The following C2orf78 variants were observed in gnomAD, a reference collection of about 807,000 sequenced individuals.
C2orf78 encodes chromosome 2 open reading frame 78, also known as uncharacterized protein C2orf78.
C2orf78 carries 12 observed loss-of-function variants against 21.4 expected under a neutral mutation model. The observed-to-expected ratio is 0.56, with a 90% CI of 0.36 to 0.91. The LOEUF is 0.91. C2orf78 is among the 40% of genes least tolerant of loss of function. The probability of loss-of-function intolerance (pLI) is 0.01; values close to 1 mark genes in which losing one functional copy is unlikely to be tolerated. For missense variants in C2orf78, 1,042 were observed against 1,092.4 expected (o/e 0.95, Z 0.65); for synonymous variants, 396 against 413.9 (o/e 0.96, Z 0.52).
chr2:73,810,178 T>C (rs1412802041), intron 1 of C2orf78, among the ~76,000 whole-genome samples: 8 of 152,156 alleles, frequency 5.3e-5, no homozygotes, highest in Non-Finnish European at 1.2e-4. Flanking sequence ...TTGTTTTTTT[T>C]CTGTTGCCTT....
intron 1 of C2orf78, among the ~76,000 whole-genome samples, chr2:73,813,116 G>A (rs1484209589): frequency 6.6e-6 from 1 of 152,108 alleles, no homozygotes; most frequent in African/African-American, 2.4e-5. Flanking sequence ...CTTCTCTAAG[G>A]ACCTCCTAGT....
At chr2:73,811,584 C>T (rs769414646) in intron 1 of C2orf78, among the ~76,000 whole-genome samples, 1 of 152,160 alleles carries the variant, frequency 6.6e-6, no homozygotes, top group Admixed American at 6.5e-5. Flanking sequence ...TGCTTTTAGA[C>T]CTAAGAATAA....
exon 2 of C2orf78, chr2:73,813,681 A>G (rs1159272728): frequency 3.1e-6 from 5 of 1,613,856 alleles, no homozygotes; most frequent in African/African-American, 1.3e-5. Context: ...CTTTACCAAC[A>G]TTCTAGCACA....
At chr2:73,809,165 A>G (rs1239323613) in intron 1 of C2orf78, among the ~76,000 whole-genome samples, 1 of 152,028 alleles carries the variant, frequency 6.6e-6, no homozygotes. Context: ...TTCTTTTCTA[A>G]TACTGAGTCT....
Position 73,816,255 on chromosome 2 carries a change from C to T in C2orf78, c.2032C>T (p.Gln678Ter), listed in dbSNP as rs758052172. ...AGCTCTCAAACCATGGCTGGATATC[C>T]AACATGAGGGTAAAGGCCCGGAGAA... Residue 678 changes from glutamine to a stop codon, truncating the protein, a stop_gained, in exon 3 of 3, where the codon CAA (glutamine) becomes TAA (stop). Coordinates refer to ENST00000409561, the Ensembl canonical transcript of C2orf78. LOFTEE classifies it low-confidence loss of function (END_TRUNC). The T allele has an allele frequency of 6.2e-7, 1 of 1,613,728 alleles. No homozygotes were observed. The highest frequency in any genetic ancestry group is 8.5e-7 in the Non-Finnish European group (1 of 1,179,864).
intron 1 of C2orf78, among the ~76,000 whole-genome samples, chr2:73,810,969 C>CATATATATATATATAT (rs35395110): frequency 4.4e-5 from 6 of 136,120 alleles, no homozygotes; most frequent in African/African-American, 1.6e-4. Flanking sequence ...ATGTATATTT[C>CATATATATATATATAT]ATATATATAT....
At chr2:73,816,931 A>G in exon 3 of C2orf78, 3 of 1,612,610 alleles carry the variant, frequency 1.9e-6, no homozygotes, top group Non-Finnish European at 2.5e-6. Flanking sequence ...GGGAAAGTGC[A>G]GTTTTTCATT....
chr2:73,815,222 C>T (rs773063774), exon 3 of C2orf78: 45 of 1,613,830 alleles, frequency 2.8e-5, no homozygotes, highest in Admixed American at 5.0e-5. Flanking sequence ...AGCTTGGGGA[C>T]ATTTCAATAA....
intron 1 of C2orf78, among the ~76,000 whole-genome samples, chr2:73,809,765 C>G (rs144141588): frequency 1.3e-5 from 2 of 152,216 alleles, no homozygotes; most frequent in East Asian, 3.9e-4. Context: ...GCCTGAGTGA[C>G]AAAGTGAGAC....
At chr2:73,786,146 GACGC>G (rs1189201399) in intron 1 of C2orf78, among the ~76,000 whole-genome samples, 3 of 152,118 alleles carry the variant, frequency 2.0e-5, no homozygotes, top group East Asian at 1.9e-4. Context: ...TTGCAAGGCT[GACGC>G]AGGCGGATTG....
intron 1 of C2orf78, among the ~76,000 whole-genome samples, chr2:73,810,668 T>G (rs1673065950): frequency 1.5e-5 from 2 of 133,032 alleles, no homozygotes; most frequent in African/African-American, 5.8e-5. Flanking sequence ...ATAATATATA[T>G]AATATAATAA....
At chr2:73,809,586 G>C (rs562568609) in intron 1 of C2orf78, among the ~76,000 whole-genome samples, 1 of 152,020 alleles carries the variant, frequency 6.6e-6, no homozygotes, top group African/African-American at 2.4e-5. Context: ...AGGAGTTCCC[G>C]GCCAGTCTGG....
intron 1 of C2orf78, among the ~76,000 whole-genome samples, chr2:73,809,795 T>C (rs1334829425): frequency 1.3e-5 from 2 of 151,968 alleles, no homozygotes; most frequent in South Asian, 2.1e-4. Flanking sequence ...AAGAAACAAA[T>C]AAACAAACAA....
exon 3 of C2orf78, chr2:73,816,823 T>A (rs762115755): frequency 6.2e-7 from 1 of 1,613,888 alleles, no homozygotes; most frequent in Non-Finnish European, 8.5e-7. Context: ...GAGCCAGTAA[T>A]GTCAACGCCC....
exon 3 of C2orf78, chr2:73,815,748 C>A: frequency 6.2e-7 from 1 of 1,613,486 alleles, no homozygotes; most frequent in Non-Finnish European, 8.5e-7. Context: ...AGCTTCCGAG[C>A]CTATCCAGGG....
chr2:73,810,742 A>G (rs1257711901), intron 1 of C2orf78, among the ~76,000 whole-genome samples: 26 of 131,732 alleles, frequency 2.0e-4, no homozygotes, highest in African/African-American at 7.5e-4. Context: ...TAAAATATAC[A>G]TGTATATTTT....
chr2:73,814,178 A>G, exon 2 of C2orf78: 1 of 1,604,390 alleles, frequency 6.2e-7, no homozygotes, highest in Non-Finnish European at 8.5e-7. Context: ...TACTTCTGGG[A>G]TGTATTACTC....
intron 1 of C2orf78, among the ~76,000 whole-genome samples, chr2:73,808,041 G>C (rs1395829263): frequency 1.3e-5 from 2 of 151,114 alleles, no homozygotes; most frequent in Non-Finnish European, 2.9e-5. Context: ...AGATCACAAG[G>C]TCAGGTGATC....
chr2:73,807,692 G>C (rs1351702041), intron 1 of C2orf78, among the ~76,000 whole-genome samples: 2 of 107,158 alleles, frequency 1.9e-5, no homozygotes, highest in Non-Finnish European at 1.8e-5. Flanking sequence ...CTCCTGCTCT[G>C]GAAGTTGACA....
Sources: allele counts gnomAD v4.1 joint callset (sites outside exome capture counted in the v4.1 genomes callset), GRCh38; gene constraint gnomAD v4.1.1; transcripts MANE v1.5; gene names NCBI Gene and HGNC (gene_info 2026-07-23, HGNC 2026-07-21).